STXBP5L: variants seen among roughly 807,000 people sequenced by gnomAD.
STXBP5L encodes the protein syntaxin-binding protein 5-like.
In STXBP5L, 65 loss-of-function variants were observed where a neutral mutation model predicts 144.5. The ratio of observed to expected loss-of-function variants is 0.45; its 90% CI spans 0.37 to 0.55. The LOEUF is 0.55. Among genes scored for constraint, STXBP5L ranks in the 20% least tolerant of loss-of-function variants. The pLI is 0.00. For synonymous variants in STXBP5L, 505 were observed against 469.6 expected (o/e 1.08, Z -0.97); for missense variants, 1,298 against 1,405.5 (o/e 0.92, Z 1.22).
rs746730406 is a variant in STXBP5L at position 121,282,388 on chromosome 3, A to G, written c.2110+2432A>G. On this transcript the variant is annotated intron_variant, in intron 19 of 26. Coordinates refer to ENST00000471454, the MANE Select transcript of STXBP5L (RefSeq NM_001308330.2). ...TAGCCTTTTTAAGACATAATGCTTG[A>G]GTTAAATCCATACATCAGTGCTCAG... The G allele has an allele frequency of 7.6e-5, 118 of 1,545,134 alleles. No individual in the cohort carries two copies. In the South Asian group the frequency reaches 1.2e-3, roughly 16 times the overall value.
chr3:121,050,963 C>T (rs1263138590), intron 5 of STXBP5L, among the ~76,000 whole-genome samples: 6 of 151,992 alleles, frequency 3.9e-5, no homozygotes, highest in Admixed American at 6.6e-5. Context: ...GACTTTAAAC[C>T]AACAAAGATC....
intron 3 of STXBP5L, among the ~76,000 whole-genome samples, chr3:120,967,513 A>T (rs887587324): frequency 6.6e-6 from 1 of 151,650 alleles, no homozygotes; most frequent in Admixed American, 6.6e-5. Context: ...TTTTGTTCTT[A>T]CTCTAGCTAA....
chr3:120,975,854 T>A (rs1217600787), intron 3 of STXBP5L, among the ~76,000 whole-genome samples: 1 of 152,130 alleles, frequency 6.6e-6, no homozygotes, highest in Admixed American at 6.5e-5. Context: ...ATTTATTGAT[T>A]TGTGTATATT....
At chr3:121,296,292 T>C (rs1208146484) in intron 19 of STXBP5L, among the ~76,000 whole-genome samples, 1 of 152,226 alleles carries the variant, frequency 6.6e-6, no homozygotes, top group Non-Finnish European at 1.5e-5. Flanking sequence ...CTGAGTACTT[T>C]AGTAGAATAC....
chr3:121,125,998 A>C (rs2044688817), intron 7 of STXBP5L, among the ~76,000 whole-genome samples: 1 of 152,092 alleles, frequency 6.6e-6, no homozygotes, highest in Admixed American at 6.6e-5. Flanking sequence ...AGACCATGCT[A>C]CACCTGACCA....
chr3:120,913,065 G>C (rs1000163397), intron 2 of STXBP5L, among the ~76,000 whole-genome samples: 2 of 151,806 alleles, frequency 1.3e-5, no homozygotes, highest in East Asian at 1.9e-4. Flanking sequence ...ACCCACCAGG[G>C]TTCTTTTTTT....
intron 22 of STXBP5L, among the ~76,000 whole-genome samples, chr3:121,390,935 G>T (rs561191167): frequency 6.6e-6 from 1 of 152,210 alleles, no homozygotes; most frequent in Non-Finnish European, 1.5e-5. Flanking sequence ...GGCCTGCCTT[G>T]CTAAGTTGGG....
At chr3:121,204,795 T>C (rs1226125133) in intron 9 of STXBP5L, among the ~76,000 whole-genome samples, 1 of 152,134 alleles carries the variant, frequency 6.6e-6, no homozygotes, top group African/African-American at 2.4e-5. Flanking sequence ...GAGAAAGAAT[T>C]AAACTGAAAG....
At chr3:121,022,395 TAA>T (rs1001382019) in intron 3 of STXBP5L, among the ~76,000 whole-genome samples, 2 of 152,028 alleles carry the variant, frequency 1.3e-5, no homozygotes, top group African/African-American at 4.8e-5. Flanking sequence ...TTCTAAAAGA[TAA>T]AAGAGGTAAT....
At chr3:121,343,055 G>T (rs1411525557) in intron 20 of STXBP5L, among the ~76,000 whole-genome samples, 1 of 152,128 alleles carries the variant, frequency 6.6e-6, no homozygotes, top group Non-Finnish European at 1.5e-5. Flanking sequence ...GTTGTGAAAT[G>T]GTATCTCATT....
intron 19 of STXBP5L, among the ~76,000 whole-genome samples, chr3:121,299,418 C>A (rs1489152986): frequency 6.6e-6 from 1 of 152,004 alleles, no homozygotes; most frequent in Non-Finnish European, 1.5e-5. Flanking sequence ...TACTTACTAC[C>A]AAGGAACCTA....
chr3:121,287,631 C>A (rs1260018971), intron 19 of STXBP5L, among the ~76,000 whole-genome samples: 5 of 151,910 alleles, frequency 3.3e-5, no homozygotes, highest in Non-Finnish European at 7.4e-5. Context: ...GGGTTCGAGA[C>A]CAGCCTGACC....
At chr3:120,987,354 T>G (rs1002849276) in intron 3 of STXBP5L, among the ~76,000 whole-genome samples, 2 of 151,994 alleles carry the variant, frequency 1.3e-5, no homozygotes, top group South Asian at 2.1e-4. Flanking sequence ...TGGTACTAAT[T>G]TTCATTTCAT....
intron 20 of STXBP5L, among the ~76,000 whole-genome samples, chr3:121,331,757 C>T (rs2044326963): frequency 6.6e-6 from 1 of 152,160 alleles, no homozygotes; most frequent in African/African-American, 2.4e-5. Flanking sequence ...AGACACCTCC[C>T]CTACTGGACT....
At chr3:121,060,872 T>G (rs1279146121) in intron 5 of STXBP5L, among the ~76,000 whole-genome samples, 2 of 152,346 alleles carry the variant, frequency 1.3e-5, no homozygotes. Context: ...TTCTTCTTTA[T>G]TAGTCTGGCT....
At chr3:121,291,579 C>CA (rs1200540561) in intron 19 of STXBP5L, among the ~76,000 whole-genome samples, 4 of 151,944 alleles carry the variant, frequency 2.6e-5, no homozygotes, top group Admixed American at 6.6e-5. Context: ...CACACAGTAC[C>CA]AAAAAAGCCC....
Position 121,423,966 on chromosome 3 carries a change from G to T in STXBP5L, c.*4869G>T, listed in dbSNP as rs1281271283. 6.6e-6 allele frequency: 1 copy of T among 152,106 alleles called. No individual in the cohort carries two copies. The highest frequency in any genetic ancestry group is 2.4e-5 in the African/African-American group (1 of 41,414). 9.4% of individuals were successfully genotyped at this position (152,106 alleles called of 1,614,324 possible). A position where few individuals can be genotyped will look rare whatever the true frequency, so the allele number is the denominator to read the frequency against. On this transcript the variant is annotated 3_prime_UTR_variant, in exon 27 of 27. Coordinates refer to ENST00000471454, the MANE Select transcript of STXBP5L (RefSeq NM_001308330.2). ...TCAATTATTCCAATTCAAAGGTCTA[G>T]GTTTTTTTTCAATTGTCTTACACAT...
intron 5 of STXBP5L, among the ~76,000 whole-genome samples, chr3:121,092,636 T>C (rs1026584058): frequency 5.3e-5 from 8 of 152,238 alleles, no homozygotes; most frequent in Non-Finnish European, 8.8e-5. Flanking sequence ...CCTGAGACTT[T>C]GCTGAAGTTG....
intron 2 of STXBP5L, among the ~76,000 whole-genome samples, chr3:120,941,988 G>A (rs968978793): frequency 2.8e-4 from 43 of 151,812 alleles, no homozygotes; most frequent in African/African-American, 1.0e-3. Context: ...CCTAAGCTGT[G>A]GTGTTGGCTT....
Sources: gnomAD v4.1 joint callset for allele counts (sites outside exome capture counted in the v4.1 genomes callset) on GRCh38, gnomAD v4.1.1 for gene constraint, MANE v1.5 for transcripts, NCBI Gene and HGNC (gene_info 2026-07-23, HGNC 2026-07-21) for gene names.